The following OR3A2 variants were observed in gnomAD, a reference collection of about 807,000 sequenced individuals.
OR3A2 encodes olfactory receptor family 3 subfamily A member 2, also known as olfactory receptor 3A2.
For missense variants in OR3A2, 318 were observed against 392.8 expected, an observed-to-expected ratio of 0.81 and a Z score of 1.61; for synonymous variants, 126 against 159.3, an observed-to-expected ratio of 0.79 and a Z score of 1.57.
intron 2 of OR3A2, among the ~76,000 whole-genome samples, chr17:3,339,859 C>G (rs2049302409): frequency 6.6e-6 from 1 of 152,178 alleles, no homozygotes; most frequent in African/African-American, 2.4e-5. Context: ...ACCAGCTCCT[C>G]TTTGTACTTC....
chr17:3,326,289 C>T (rs2049171092), intron 3 of OR3A2, among the ~76,000 whole-genome samples: 1 of 151,992 alleles, frequency 6.6e-6, no homozygotes, highest in Non-Finnish European at 1.5e-5. Flanking sequence ...GATTTCTATT[C>T]ATTTGGGTTT....
chr17:3,379,112 A>G (rs1286920168), intron 2 of OR3A2, among the ~76,000 whole-genome samples: 1 of 152,178 alleles, frequency 6.6e-6, no homozygotes, highest in Non-Finnish European at 1.5e-5. Flanking sequence ...CTGAGTAAAT[A>G]TTATCAAGTG....
intron 3 of OR3A2, among the ~76,000 whole-genome samples, chr17:3,296,315 A>T (rs1360510072): frequency 6.6e-6 from 1 of 152,198 alleles, no homozygotes; most frequent in Non-Finnish European, 1.5e-5. Context: ...ACAGCAGCAC[A>T]TTTTAAAAAA....
chr17:3,365,824 CAGA>C (rs2049558236), intron 2 of OR3A2, among the ~76,000 whole-genome samples: 2 of 152,126 alleles, frequency 1.3e-5, no homozygotes, highest in South Asian at 4.1e-4. Context: ...TTGCATGCAA[CAGA>C]AATCAACTAG....
intron 1 of OR3A2, among the ~76,000 whole-genome samples, chr17:3,279,734 G>A (rs2048765801): frequency 6.6e-6 from 1 of 152,332 alleles, no homozygotes; most frequent in African/African-American, 2.4e-5. Context: ...GTTGCAGTGA[G>A]CCAAGACTGC....
At chr17:3,329,454 CGAG>C (rs1567556782) in intron 3 of OR3A2, among the ~76,000 whole-genome samples, 1 of 145,996 alleles carries the variant, frequency 6.8e-6, no homozygotes. Context: ...GTGTATGTGT[CGAG>C]GAATTTATCC....
intron 2 of OR3A2, among the ~76,000 whole-genome samples, chr17:3,361,505 G>A (rs2049515938): frequency 6.6e-6 from 1 of 151,720 alleles, no homozygotes; most frequent in African/African-American, 2.4e-5. Context: ...TTTTCAAAGA[G>A]AATGCTTCCA....
At chr17:3,361,707 C>T (rs1375311764) in intron 2 of OR3A2, among the ~76,000 whole-genome samples, 1 of 151,616 alleles carries the variant, frequency 6.6e-6, no homozygotes, top group South Asian at 2.1e-4. Flanking sequence ...TGTTTATATG[C>T]TGGATTACAT....
At chr17:3,374,551 T>C (rs915060499) in intron 2 of OR3A2, among the ~76,000 whole-genome samples, 5 of 152,232 alleles carry the variant, frequency 3.3e-5, no homozygotes, top group African/African-American at 9.6e-5. Flanking sequence ...TCTGACATTC[T>C]TTCTTCCACC....
intron 2 of OR3A2, among the ~76,000 whole-genome samples, chr17:3,355,477 T>A (rs2049459469): frequency 6.7e-6 from 1 of 149,214 alleles, no homozygotes; most frequent in African/African-American, 2.5e-5. Context: ...TCTAATAATG[T>A]TTGCTTTATA....
chr17:3,363,097 G>A (rs891511272), intron 2 of OR3A2, among the ~76,000 whole-genome samples: 2 of 151,750 alleles, frequency 1.3e-5, no homozygotes, highest in Non-Finnish European at 2.9e-5. Flanking sequence ...TCTCTGAAAT[G>A]CACTGGAGAC....
At chr17:3,328,691 G>C (rs865801544) in intron 3 of OR3A2, among the ~76,000 whole-genome samples, 257 of 149,590 alleles carry the variant, frequency 1.7e-3, no homozygotes, top group Middle Eastern at 6.8e-3. Flanking sequence ...ATTGGCTGTG[G>C]GTTTGTCATA....
intron 2 of OR3A2, among the ~76,000 whole-genome samples, chr17:3,366,745 G>A (rs969650841): frequency 6.6e-6 from 1 of 152,120 alleles, no homozygotes; most frequent in Non-Finnish European, 1.5e-5. Flanking sequence ...AGTGTTCTGG[G>A]CTTTGTACTC....
intron 3 of OR3A2, among the ~76,000 whole-genome samples, chr17:3,293,907 G>C (rs918744150): frequency 4.6e-5 from 7 of 152,166 alleles, no homozygotes; most frequent in Admixed American, 1.3e-4. Context: ...GCTGAACAAT[G>C]AGAATACATG....
intron 3 of OR3A2, among the ~76,000 whole-genome samples, chr17:3,313,116 CAGAG>C (rs2049057307): frequency 6.6e-6 from 1 of 152,098 alleles, no homozygotes; most frequent in South Asian, 2.1e-4. Context: ...TACGGCAATC[CAGAG>C]AGAAATAATA....
intron 2 of OR3A2, among the ~76,000 whole-genome samples, chr17:3,348,139 A>G (rs2049384929): frequency 6.6e-6 from 1 of 151,834 alleles, no homozygotes; most frequent in Non-Finnish European, 1.5e-5. Flanking sequence ...TAGATTCTGG[A>G]TATTAGCCCG....
chr17:3,381,540 T>A (rs979546894), intron 2 of OR3A2, among the ~76,000 whole-genome samples: 2 of 152,092 alleles, frequency 1.3e-5, no homozygotes, highest in African/African-American at 2.4e-5. Flanking sequence ...TATCTCCCCA[T>A]CGCCTGAAGT....
At chr17:3,323,850 C>T (rs528042872) in intron 3 of OR3A2, among the ~76,000 whole-genome samples, 2 of 152,086 alleles carry the variant, frequency 1.3e-5, no homozygotes, top group East Asian at 3.9e-4. Context: ...AGTTGCTCTT[C>T]TCGAGGAGTA....
At chr17:3,350,464 T>G (rs373702868) in intron 2 of OR3A2, among the ~76,000 whole-genome samples, 1 of 151,274 alleles carries the variant, frequency 6.6e-6, no homozygotes, top group Non-Finnish European at 1.5e-5. Context: ...ACACATACAC[T>G]CTCCCAAGAC....
Sources: allele counts gnomAD v4.1 joint callset (sites outside exome capture counted in the v4.1 genomes callset), GRCh38; gene constraint gnomAD v4.1.1; transcripts MANE v1.5; gene names NCBI Gene and HGNC (gene_info 2026-07-23, HGNC 2026-07-21).